The following CPEB3 variants were observed in gnomAD, a reference collection of about 807,000 sequenced individuals.
CPEB3 encodes the protein cytoplasmic polyadenylation element-binding protein 3.
A neutral mutation model predicts 67.2 loss-of-function variants in CPEB3; 20 were observed. The observed-to-expected ratio is 0.30, with a 90% CI of 0.21 to 0.43. CPEB3 has a LOEUF of 0.43. CPEB3 is among the 20% of genes least tolerant of loss of function. The pLI, the probability that CPEB3 is intolerant of heterozygous loss-of-function variation, is 1.00. For synonymous variants in CPEB3, 376 were observed against 393.1 expected (o/e 0.96, Z 0.51); for missense variants, 746 against 968.6 (o/e 0.77, Z 3.05).
Position 92,059,877 on chromosome 10 carries a change from A to C in CPEB3, c.1870-7438T>G, listed in dbSNP as rs191933762. Among the ~76,000 whole-genome samples the C allele has an allele frequency of 3.3e-5, 5 of 151,784 alleles. No homozygotes were observed. The East Asian group carries it at 9.7e-4, about 29-fold the overall frequency. On this transcript the variant is annotated intron_variant, in intron 9 of 9. Transcript: ENST00000265997. ...GAGTCTGAGGCAGGAGAATCAGTTG[A>C]ACCCGGGAGGCGGAGGTTGCAGTGA...
chr10:92,173,989 G>T (rs1404765392), intron 4 of CPEB3, among the ~76,000 whole-genome samples: 1 of 152,166 alleles, frequency 6.6e-6, no homozygotes, highest in African/African-American at 2.4e-5. Flanking sequence ...AAAATTCTCA[G>T]ACAAAATGTC....
At chr10:92,085,314 A>T (rs1164587388) in intron 8 of CPEB3, among the ~76,000 whole-genome samples, 3 of 152,164 alleles carry the variant, frequency 2.0e-5, no homozygotes, top group Non-Finnish European at 2.9e-5. Flanking sequence ...GCGGTCTAAT[A>T]GCTATGGTTC....
intron 4 of CPEB3, among the ~76,000 whole-genome samples, chr10:92,151,470 CA>C (rs1262374107): frequency 6.6e-6 from 1 of 152,064 alleles, no homozygotes; most frequent in Non-Finnish European, 1.5e-5. Context: ...TGACTTTGAA[CA>C]AAAAACATTT....
intron 4 of CPEB3, among the ~76,000 whole-genome samples, chr10:92,156,084 T>C (rs183451688): frequency 2.6e-5 from 4 of 152,158 alleles, no homozygotes; most frequent in Non-Finnish European, 1.5e-5. Flanking sequence ...GAGACAACTA[T>C]CCTCAAAGAA....
chr10:92,180,731 C>G (rs1259211798), intron 4 of CPEB3, among the ~76,000 whole-genome samples: 1 of 152,150 alleles, frequency 6.6e-6, no homozygotes, highest in East Asian at 1.9e-4. Context: ...CGGGCCTCAT[C>G]CTTAAGTGTC....
chr10:92,071,099 ACACACAC>A (rs1411567096), intron 9 of CPEB3, among the ~76,000 whole-genome samples: 2 of 150,742 alleles, frequency 1.3e-5, no homozygotes, highest in Non-Finnish European at 2.9e-5. Context: ...ACACACACAC[ACACACAC>A]ACTTCCTTCA....
intron 9 of CPEB3, among the ~76,000 whole-genome samples, chr10:92,065,344 C>T (rs1414194137): frequency 2.0e-5 from 3 of 152,170 alleles, no homozygotes; most frequent in African/African-American, 4.8e-5. Context: ...CATCAGCCGC[C>T]CGAGTAGCTG....
At chr10:92,288,092 GTA>G (rs1842618616) in intron 1 of CPEB3, among the ~76,000 whole-genome samples, 1 of 152,046 alleles carries the variant, frequency 6.6e-6, no homozygotes, top group African/African-American at 2.4e-5. Context: ...ATATTCTATT[GTA>G]TGATACACCA....
chr10:92,127,421 A>C (rs1185842123), intron 6 of CPEB3, among the ~76,000 whole-genome samples: 1 of 152,124 alleles, frequency 6.6e-6, no homozygotes, highest in African/African-American at 2.4e-5. Flanking sequence ...CACGACTGTA[A>C]ATCTAGCACT....
intron 4 of CPEB3, among the ~76,000 whole-genome samples, chr10:92,162,240 T>C (rs1362736986): frequency 6.6e-6 from 1 of 152,092 alleles, no homozygotes; most frequent in African/African-American, 2.4e-5. Flanking sequence ...ATCAGAGTAG[T>C]GTTACCCTTG....
intron 4 of CPEB3, among the ~76,000 whole-genome samples, chr10:92,156,496 G>T (rs1038885554): frequency 6.6e-6 from 1 of 152,044 alleles, no homozygotes; most frequent in African/African-American, 2.4e-5. Context: ...AAAACTAGAG[G>T]GAAAATCTTG....
Position 92,239,428 on chromosome 10 carries a change from C to A in CPEB3, c.923G>T (p.Arg308Leu), listed in dbSNP as rs756340855. ...GGACTTGGAAGTGAGAGGGGCCGCGCGAGGGAACTTGGGCGGCGCGATCAC... is the reference window on the plus strand; with the variant it reads ...GGACTTGGAAGTGAGAGGGGCCGCGAGAGGGAACTTGGGCGGCGCGATCAC... Reference protein sequence around the residue: ...SNVIAPPKFPRAAPLTSKSWM... With the variant: ...SNVIAPPKFPLAAPLTSKSWM... Residue 308 changes from arginine (R) to leucine (L), a missense_variant, in exon 2 of 10, where the codon CGC becomes CTC. Physicochemically the swap from Arg to Leu is moderately radical, Grantham distance 102. This residue lies in a region of CPEB3 where 643 missense variants were observed against 717.5 expected (regional missense o/e 0.90). Coordinates refer to ENST00000265997, the MANE Select transcript of CPEB3 (RefSeq NM_014912.5). The surrounding 1 kb of genome is among the most constrained non-coding windows in gnomAD (Gnocchi z 6.0). The A allele has an allele frequency of 1.2e-6, 2 of 1,602,918 alleles. No individual in the cohort carries two copies. Among genetic ancestry groups the A allele is most frequent in the South Asian group, 1.1e-5 (1 of 89,302 alleles).
chr10:92,155,703 T>G lies in CPEB3; in HGVS notation c.1223-10618A>C, dbSNP rs190408512. Among the ~76,000 whole-genome samples, 8 of 152,312 alleles carry G rather than the reference T, an allele frequency of 5.3e-5. No individual in the cohort carries two copies. In the East Asian group the frequency reaches 1.4e-3, roughly 26 times the overall value. On this transcript the variant is annotated intron_variant, in intron 4 of 9. Coordinates refer to ENST00000265997, the MANE Select transcript of CPEB3 (RefSeq NM_014912.5). ...TCTTCCTCTCTCTCTCATCATTCTC[T>G]TCTTCATTTACACCTATCAAACTGC... is the stretch of plus-strand genomic sequence containing the variant.
chr10:92,287,220 C>T (rs1217523623), intron 1 of CPEB3, among the ~76,000 whole-genome samples: 1 of 151,946 alleles, frequency 6.6e-6, no homozygotes, highest in Non-Finnish European at 1.5e-5. Context: ...CCTCCGCCTC[C>T]CAGGTTCAAG....
intron 9 of CPEB3, among the ~76,000 whole-genome samples, chr10:92,080,598 T>TC (rs1400059201): frequency 6.6e-6 from 1 of 151,236 alleles, no homozygotes; most frequent in African/African-American, 2.5e-5. Flanking sequence ...CTTGCAATTT[T>TC]CTTTTTTTTT....
intron 9 of CPEB3, 118 bp from the exon 10 acceptor site, chr10:92,052,557 C>T (rs1841936022): frequency 2.5e-6 from 2 of 812,226 alleles, no homozygotes; most frequent in East Asian, 2.6e-5. Context: ...CTGCTTTCAA[C>T]TCTGCTGATA....
At chr10:92,199,764 A>C (rs1849425998) in intron 2 of CPEB3, among the ~76,000 whole-genome samples, 1 of 151,680 alleles carries the variant, frequency 6.6e-6, no homozygotes, top group Non-Finnish European at 1.5e-5. Context: ...TTTTCTACTC[A>C]GTATATGTTA....
chr10:92,160,007 C>T (rs1404782883), intron 4 of CPEB3, among the ~76,000 whole-genome samples: 2 of 151,398 alleles, frequency 1.3e-5, no homozygotes, highest in African/African-American at 2.4e-5. Context: ...AGTGCAGTGG[C>T]ACGATCTCGG....
chr10:92,080,763 T>A lies in CPEB3; in HGVS notation c.1869+557A>T, dbSNP rs372630439. 3.3e-4 allele frequency among the ~76,000 whole-genome samples: 50 copies of A among 151,906 alleles called. 1 individual carries two copies. The highest frequency in any genetic ancestry group is 1.2e-3 in the African/African-American group (49 of 41,312). ...TGTCTGCCACTACTCCCAGCTAATT[T>A]TTTTTGTGTTTTTAGTAGAGACGGG... On this transcript the variant is annotated intron_variant, in intron 9 of 9. Transcript: ENST00000265997.
Sources: allele counts gnomAD v4.1 joint callset (sites outside exome capture counted in the v4.1 genomes callset), GRCh38; gene constraint gnomAD v4.1.1; regional missense constraint gnomAD v4.1.1; non-coding constraint Gnocchi (gnomAD v3.1); transcripts MANE v1.5; gene names NCBI Gene and HGNC (gene_info 2026-07-23, HGNC 2026-07-21).